The following ZFYVE1 variants were observed in gnomAD, a reference collection of about 807,000 sequenced individuals.
The protein encoded by ZFYVE1 is zinc finger FYVE-type containing 1.
ZFYVE1 carries 30 observed loss-of-function variants against 74.4 expected under a neutral mutation model. The observed-to-expected ratio is 0.40, with a 90% CI of 0.30 to 0.55. The LOEUF (loss-of-function observed/expected upper bound fraction) is 0.55, where lower values mean the gene tolerates loss of function less well. Among genes scored for constraint, ZFYVE1 ranks in the 20% least tolerant of loss-of-function variants. The probability of loss-of-function intolerance (pLI) is 0.42; values close to 1 mark genes in which losing one functional copy is unlikely to be tolerated. For synonymous variants in ZFYVE1, 335 were observed against 385.1 expected, an observed-to-expected ratio of 0.87 and a Z score of 1.52; for missense variants, 703 against 1,011.6, an observed-to-expected ratio of 0.69 and a Z score of 4.14.
chr14:72,984,511 A>G (rs1245975398), intron 4 of ZFYVE1, among the ~76,000 whole-genome samples: 2 of 151,896 alleles, frequency 1.3e-5, no homozygotes, highest in Admixed American at 6.6e-5. Context: ...CCTGGGTGAC[A>G]GGGTGAGACT....
intron 1 of ZFYVE1, among the ~76,000 whole-genome samples, chr14:73,025,668 C>T (rs1241111701): frequency 6.9e-6 from 1 of 145,768 alleles, no homozygotes; most frequent in Non-Finnish European, 1.5e-5. Flanking sequence ...TGCACTCCAG[C>T]CTGGAAGACA....
At chr14:72,992,428 G>A (rs995341982) in intron 4 of ZFYVE1, among the ~76,000 whole-genome samples, 2 of 152,092 alleles carry the variant, frequency 1.3e-5, no homozygotes, top group African/African-American at 2.4e-5. Flanking sequence ...TGGTGCCTCC[G>A]TTTCCTCATC....
Position 72,969,624 on chromosome 14 carries a change from C to A in ZFYVE1, c.*1258G>T. 1.5e-6 allele frequency: 1 copy of A among 688,708 alleles called. No homozygotes were observed. The highest frequency in any genetic ancestry group is 2.6e-6 in the Non-Finnish European group (1 of 378,754). 42.7% of individuals were successfully genotyped at this position (688,708 alleles called of 1,614,324 possible). ...ATGACCGCCATATACTTCCCTAAAG[C>A]TCAACCCACCCACCAGTTCAGTTAA... On this transcript the variant is annotated 3_prime_UTR_variant, in exon 12 of 12. Transcript: ENST00000556143.
At position 72,971,064 on chromosome 14, in the gene ZFYVE1, T is replaced by C. The variant is rs146763065; in HGVS notation, c.2152A>G (p.Ile718Val). The change falls in exon 12 of 12, where the codon ATC becomes GTC. Residue 718 changes from isoleucine (I) to valine (V), a missense_variant. By Grantham distance (29) the Ile-to-Val change is conservative. Transcript: ENST00000556143. ...TTCCGGCAGTTGTGGCAGTGGAGGA[T>C]TTCGTGGTCAGGCACCCAGTACGCA... Reference protein sequence around the residue: ...RPAYWVPDHEILHCHNCRKEF... With the variant: ...RPAYWVPDHEVLHCHNCRKEF... 69 of 1,613,922 alleles carry C rather than the reference T, an allele frequency of 4.3e-5. No homozygotes were observed. The highest frequency in any genetic ancestry group is 5.6e-5 in the Non-Finnish European group (66 of 1,180,004).
chr14:72,999,042 C>T (rs1431748280), intron 2 of ZFYVE1, among the ~76,000 whole-genome samples: 1 of 152,036 alleles, frequency 6.6e-6, no homozygotes, highest in Non-Finnish European at 1.5e-5. Context: ...GCTATAATCC[C>T]AACACCTTGA....
At chr14:72,988,072 CG>C (rs1377967790) in intron 4 of ZFYVE1, among the ~76,000 whole-genome samples, 1 of 152,080 alleles carries the variant, frequency 6.6e-6, no homozygotes, top group African/African-American at 2.4e-5. Context: ...CCACATTTCC[CG>C]GTCAATAATA....
intron 2 of ZFYVE1, among the ~76,000 whole-genome samples, chr14:73,006,690 T>C (rs1893987043): frequency 6.8e-6 from 1 of 148,112 alleles, no homozygotes; most frequent in South Asian, 2.1e-4. Flanking sequence ...CTGTACTCAA[T>C]GATCCCCCAC....
At chr14:73,000,737 C>A (rs1044865509) in intron 2 of ZFYVE1, among the ~76,000 whole-genome samples, 12 of 152,148 alleles carry the variant, frequency 7.9e-5, no homozygotes, top group African/African-American at 2.9e-4. Flanking sequence ...GCTATATACC[C>A]AAGAGAACTG....
intron 2 of ZFYVE1, among the ~76,000 whole-genome samples, chr14:73,007,089 A>G (rs1893996928): frequency 6.6e-6 from 1 of 152,098 alleles, no homozygotes; most frequent in African/African-American, 2.4e-5. Flanking sequence ...GGCCAAGGGA[A>G]TGATGATGTT....
chr14:73,004,989 G>A (rs1320222768), intron 2 of ZFYVE1, among the ~76,000 whole-genome samples: 6 of 115,320 alleles, frequency 5.2e-5, no homozygotes, highest in Admixed American at 1.8e-4. Flanking sequence ...GTGAGACCCC[G>A]TCTCAAAAAA....
chr14:72,998,341 G>T lies in ZFYVE1; in HGVS notation c.484-26C>A, dbSNP rs189470279. 2.1e-3 allele frequency: 3,024 copies of T among 1,421,332 alleles called. 7 individuals carry two copies. The highest frequency in any genetic ancestry group is 7.7e-3 in the Middle Eastern group (31 of 4,002). 88.0% of individuals were successfully genotyped at this position (1,421,332 alleles called of 1,614,324 possible). ...CTGCAAAAAAAAAAAAAAAGACCAT[G>T]AAATACAGAAACTGTAAAAGCACTA... On this transcript the variant is annotated intron_variant, in intron 2 of 11. Transcript: ENST00000556143.
intron 2 of ZFYVE1, among the ~76,000 whole-genome samples, chr14:73,006,709 CTTTTTTTTTTTTTTT>C (rs35364666): frequency 1.3e-5 from 1 of 77,638 alleles, no homozygotes; most frequent in East Asian, 4.8e-4. Context: ...ACCCCAGTTC[CTTTTTTTTTTTTTTT>C]TTTTTTTTTG....
At chr14:72,998,529 C>CTA (rs1893801911) in intron 2 of ZFYVE1, among the ~76,000 whole-genome samples, 1 of 148,462 alleles carries the variant, frequency 6.7e-6, no homozygotes, top group African/African-American at 2.5e-5. Context: ...GCCAAAAGAG[C>CTA]TAAAACTATA....
intron 2 of ZFYVE1, among the ~76,000 whole-genome samples, chr14:73,001,512 T>C (rs1893872499): frequency 6.6e-6 from 1 of 152,154 alleles, no homozygotes; most frequent in South Asian, 2.1e-4. Context: ...AGATGAGAAA[T>C]GCTTTTCACG....
At chr14:73,006,407 T>C (rs895646097) in intron 2 of ZFYVE1, among the ~76,000 whole-genome samples, 2 of 151,630 alleles carry the variant, frequency 1.3e-5, no homozygotes, top group African/African-American at 4.8e-5. Flanking sequence ...AAACCCCATC[T>C]CCACTAAAAA....
Position 72,975,224 on chromosome 14 carries a change from T to C in ZFYVE1, c.1807-265A>G, listed in dbSNP as rs904031510. On this transcript the variant is annotated intron_variant, in intron 9 of 11. Transcript: ENST00000556143. This position sits in a 1 kb window ranked among gnomAD's most constrained non-coding sequence, Gnocchi z 4.1. ...TAGCGTTAATGGATCAAGCTGAGGA[T>C]GACCCTAAATAACCTCTAAAGACCC... The C allele has an allele frequency of 5.9e-6, 3 of 512,804 alleles. No individual in the cohort carries two copies. Among genetic ancestry groups the C allele is most frequent in the African/African-American group, 5.7e-5 (3 of 52,320 alleles). 31.8% of individuals were successfully genotyped at this position (512,804 alleles called of 1,614,324 possible).
chr14:72,988,631 A>G (rs923025372), intron 4 of ZFYVE1, among the ~76,000 whole-genome samples: 1 of 150,442 alleles, frequency 6.6e-6, no homozygotes, highest in African/African-American at 2.4e-5. Context: ...ACATGGTGAA[A>G]CCCCGTCTCT....
intron 4 of ZFYVE1, among the ~76,000 whole-genome samples, chr14:72,983,990 G>C (rs145288951): frequency 1.3e-5 from 2 of 152,134 alleles, no homozygotes; most frequent in African/African-American, 4.8e-5. Flanking sequence ...ACAAAGGCAC[G>C]TAATATCAAT....
intron 3 of ZFYVE1, among the ~76,000 whole-genome samples, chr14:72,993,739 C>T (rs1893678157): frequency 6.6e-6 from 1 of 151,312 alleles, no homozygotes; most frequent in African/African-American, 2.4e-5. Context: ...AAGTAAGATA[C>T]GAGGCTGGGT....
Sources: gnomAD v4.1 joint callset for allele counts (sites outside exome capture counted in the v4.1 genomes callset) on GRCh38, gnomAD v4.1.1 for gene constraint, Gnocchi (gnomAD v3.1) non-coding constraint, MANE v1.5 for transcripts, NCBI Gene and HGNC (gene_info 2026-07-23, HGNC 2026-07-21) for gene names.